Variants in EML1 observed in about 807,000 individuals in gnomAD.
The protein encoded by EML1 is EMAP like 1.
EML1 carries 27 observed loss-of-function variants against 110.4 expected under a neutral mutation model. The observed-to-expected ratio is 0.24, with a 90% confidence interval of 0.18 to 0.34. EML1 has a LOEUF of 0.34. Among genes scored for constraint, EML1 ranks in the 10% least tolerant of loss-of-function variants. The probability of loss-of-function intolerance (pLI) is 1.00; values close to 1 mark genes in which losing one functional copy is unlikely to be tolerated. For missense variants in EML1, 741 were observed against 1,030.9 expected (o/e 0.72, Z 3.85); for synonymous variants, 344 against 385.8 (o/e 0.89, Z 1.27).
chr14:99,766,920 G>T (rs887477055), intron 1 of EML1, among the ~76,000 whole-genome samples: 15 of 152,196 alleles, frequency 9.9e-5, no homozygotes, highest in African/African-American at 3.4e-4. Flanking sequence ...GAAGCAAAGT[G>T]CAATCCATCA....
intron 1 of EML1, among the ~76,000 whole-genome samples, chr14:99,775,601 G>T (rs2057473164): frequency 1.3e-5 from 2 of 152,220 alleles, no homozygotes; most frequent in South Asian, 2.1e-4. Flanking sequence ...CATGGGCTGG[G>T]TTTACTCTTC....
chr14:99,776,348 C>T (rs2057482252), intron 1 of EML1, among the ~76,000 whole-genome samples: 1 of 152,054 alleles, frequency 6.6e-6, no homozygotes, highest in Non-Finnish European at 1.5e-5. Flanking sequence ...ACTAAAAATA[C>T]AAACAATTAG....
intron 4 of EML1, among the ~76,000 whole-genome samples, chr14:99,882,909 G>T (rs1452580405): frequency 6.6e-6 from 1 of 152,112 alleles, no homozygotes; most frequent in Non-Finnish European, 1.5e-5. Flanking sequence ...TCAACCCCGG[G>T]ATCAGACAGC....
In EML1 at chr14:99,793,530, C is replaced by CCAGTTCTGCAACGGTGAGGGGCGGCCGCG. The variant is rs2057708789; in HGVS notation, c.56_67+17dup. ...GCCTGTACGACACGTCCTCGCTGCT[C>CCAGTTCTGCAACGGTGAGGGGCGGCCGCG]CAGTTCTGCAACGGTGAGGGGCGGC... On this transcript the variant is annotated frameshift_variant, in exon 1 of 22. Transcript: ENST00000262233. LOFTEE classifies it high-confidence loss of function. The CCAGTTCTGCAACGGTGAGGGGCGGCCGCG allele has an allele frequency of 9.6e-7, 1 of 1,041,964 alleles. No individual in the cohort carries two copies. The highest frequency in any genetic ancestry group is 1.7e-5 in the African/African-American group (1 of 57,434). 64.5% of individuals were successfully genotyped at this position (1,041,964 alleles called of 1,614,324 possible).
At chr14:99,755,815 G>C (rs1188062872) in intron 1 of EML1, among the ~76,000 whole-genome samples, 1 of 152,202 alleles carries the variant, frequency 6.6e-6, no homozygotes, top group African/African-American at 2.4e-5. Flanking sequence ...GACCAAGCGG[G>C]AGCTGCAAGA....
chr14:99,882,435 GA>G (rs2059400566), intron 4 of EML1, among the ~76,000 whole-genome samples: 1 of 152,140 alleles, frequency 6.6e-6, no homozygotes, highest in South Asian at 2.1e-4. Flanking sequence ...CTATAAGCAA[GA>G]CACTGTTTCA....
intron 1 of EML1, among the ~76,000 whole-genome samples, chr14:99,761,135 G>C (rs563507228): frequency 6.6e-6 from 1 of 152,106 alleles, no homozygotes; most frequent in Non-Finnish European, 1.5e-5. Flanking sequence ...CCACCTTACC[G>C]ATGAGAAAAC....
intron 10 of EML1, among the ~76,000 whole-genome samples, chr14:99,907,998 CA>C (rs1426183638): frequency 6.6e-6 from 1 of 152,244 alleles, no homozygotes; most frequent in African/African-American, 2.4e-5. Flanking sequence ...TTCATCCAGT[CA>C]TGTATTTGCT....
At chr14:99,819,497 G>A (rs1242528827) in intron 1 of EML1, among the ~76,000 whole-genome samples, 2 of 152,134 alleles carry the variant, frequency 1.3e-5, no homozygotes, top group African/African-American at 2.4e-5. Context: ...TTCTCTATAC[G>A]AATAAGGTGT....
At chr14:99,908,491 G>A (rs2059893485) in intron 10 of EML1, among the ~76,000 whole-genome samples, 1 of 152,226 alleles carries the variant, frequency 6.6e-6, no homozygotes. Context: ...TCTGTTCCCT[G>A]ACACCTGTGT....
chr14:99,886,355 G>T (rs2059474872), intron 4 of EML1, among the ~76,000 whole-genome samples: 1 of 152,150 alleles, frequency 6.6e-6, no homozygotes. Flanking sequence ...GGTGGCATAT[G>T]CCTGTAGTCC....
At chr14:99,883,636 C>G (rs530684830) in intron 4 of EML1, 1 of 152,168 alleles carries the variant, frequency 6.6e-6, no homozygotes, top group Non-Finnish European at 1.5e-5. Context: ...TACATTTCCA[C>G]GTGGACTTTT....
chr14:99,903,586 C>T (rs2140026817), intron 9 of EML1, among the ~76,000 whole-genome samples: 1 of 152,164 alleles, frequency 6.6e-6, no homozygotes, highest in Non-Finnish European at 1.5e-5. Context: ...TAAGTCATAT[C>T]AGAATTATAG....
At chr14:99,881,748 G>A (rs937339625) in intron 4 of EML1, among the ~76,000 whole-genome samples, 7 of 151,960 alleles carry the variant, frequency 4.6e-5, no homozygotes, top group East Asian at 1.9e-4. Flanking sequence ...CTACAGGTGC[G>A]TGCCACCATG....
At chr14:99,788,855 A>G (rs556399662), upstream of EML1, among the ~76,000 whole-genome samples, 1 of 151,404 alleles carries the variant, frequency 6.6e-6, no homozygotes, top group Admixed American at 6.6e-5. Flanking sequence ...CCACCATTCC[A>G]CTCTCTGTCT....
chr14:99,743,143 A>T (rs1399371124), intron 1 of EML1, among the ~76,000 whole-genome samples: 2 of 152,180 alleles, frequency 1.3e-5, no homozygotes, highest in East Asian at 1.9e-4. Context: ...GAGCAGGGGA[A>T]ACTGAGGCCC....
chr14:99,863,816 A>AT (rs1357950299), intron 2 of EML1, among the ~76,000 whole-genome samples: 1 of 152,256 alleles, frequency 6.6e-6, no homozygotes, highest in Non-Finnish European at 1.5e-5. Context: ...TTGTGTAGAC[A>AT]TAAGTTTTCA....
intron 1 of EML1, among the ~76,000 whole-genome samples, chr14:99,838,878 CAA>C (rs72299596): frequency 0.088 from 12,891 of 145,974 alleles, 1,865 homozygotes; most frequent in African/African-American, 0.3. Flanking sequence ...CTGACAGAAA[CAA>C]GAGCATTTCT....
Position 99,905,321 on chromosome 14 carries a change from C to T in EML1, c.1009-2317C>T, listed in dbSNP as rs2059826703. ...GGGCTCAGACATGCCCCTGGTCGGC[C>T]CCATCGTTGTTAATCCAGCCTCCAA... is the stretch of plus-strand genomic sequence containing the variant. On this transcript the variant is annotated intron_variant, in intron 9 of 21. Coordinates refer to ENST00000262233, the MANE Select transcript of EML1 (RefSeq NM_004434.3). This position sits in a 1 kb window ranked among gnomAD's most constrained non-coding sequence, Gnocchi z 4.1. Among the ~76,000 whole-genome samples the T allele has an allele frequency of 6.6e-6, 1 of 152,226 alleles. No individual in the cohort carries two copies. The highest frequency in any genetic ancestry group is 1.5e-5 in the Non-Finnish European group (1 of 68,036).
Sources: allele counts gnomAD v4.1 joint callset (sites outside exome capture counted in the v4.1 genomes callset), GRCh38; gene constraint gnomAD v4.1.1; non-coding constraint Gnocchi (gnomAD v3.1); transcripts MANE v1.5; gene names NCBI Gene and HGNC (gene_info 2026-07-23, HGNC 2026-07-21).